IHO1: variants seen among roughly 807,000 people sequenced by gnomAD.
IHO1 encodes the protein interactor of HORMAD1 1.
IHO1 carries 13 observed loss-of-function variants against 31.0 expected under a neutral mutation model. The observed-to-expected ratio is 0.42, with a 90% CI of 0.27 to 0.67. The LOEUF (loss-of-function observed/expected upper bound fraction) is 0.67, where lower values mean the gene tolerates loss of function less well. Ranked by LOEUF, IHO1 falls within the 30% of genes least tolerant of loss-of-function variation. The pLI is 0.24. For missense variants in IHO1, 599 were observed against 687.5 expected (o/e 0.87, Z 1.44); for synonymous variants, 221 against 248.4 (o/e 0.89, Z 1.04).
rs2046840671 is a variant in IHO1 at position 49,257,553 on chromosome 3, C to G, written c.*271C>G. On this transcript the variant is annotated 3_prime_UTR_variant, in exon 8 of 8. Transcript: ENST00000452691. ...AGGCAGCAGCCTGGTTGTGGGGCAT[C>G]TGGAGCAGGGTGCCTGTACTTTGGC... is the stretch of plus-strand genomic sequence containing the variant. 1 of 402,050 alleles carries G rather than the reference C, an allele frequency of 2.5e-6. No individual in the cohort carries two copies. The highest frequency in any genetic ancestry group is 4.6e-6 in the Non-Finnish European group (1 of 219,566). The allele number at this position is 402,050 out of a possible 1,614,324, so 24.9% of individuals were successfully genotyped here. A position where few individuals can be genotyped will look rare whatever the true frequency, so the allele number is the denominator to read the frequency against.
At chr3:49,210,258 A>G (rs2046191754) in intron 1 of IHO1, among the ~76,000 whole-genome samples, 1 of 148,350 alleles carries the variant, frequency 6.7e-6, no homozygotes, top group Non-Finnish European at 1.5e-5. Context: ...ATTTTTTGAG[A>G]TTTTTTTTTT....
chr3:49,236,682 A>G lies in IHO1; in HGVS notation c.191A>G (p.His64Arg), dbSNP rs749137201. ...TLSAPLDFGA[H>R]LRHSKQSQQN... Reference sequence around the variant, plus strand: ...TCAGCACCCTTGGACTTTGGTGCCCACTTGAGACATTCAAAACAGTCACAA... The same window carrying G: ...TCAGCACCCTTGGACTTTGGTGCCCGCTTGAGACATTCAAAACAGTCACAA... The change falls in exon 3 of 8, where the codon CAC (histidine) becomes CGC (arginine). Residue 64 changes from histidine (H) to arginine (R), a missense_variant. Transcript: ENST00000452691. 6.2e-7 allele frequency: 1 copy of G among 1,614,080 alleles called. No individual in the cohort carries two copies. Among genetic ancestry groups the G allele is most frequent in the Non-Finnish European group, 8.5e-7 (1 of 1,180,006 alleles).
chr3:49,234,335 C>T (rs2107715939), intron 2 of IHO1, among the ~76,000 whole-genome samples: 1 of 151,646 alleles, frequency 6.6e-6, no homozygotes, highest in Non-Finnish European at 1.5e-5. Flanking sequence ...CCGCCATGCC[C>T]AGCTAATTTT....
intron 6 of IHO1, among the ~76,000 whole-genome samples, chr3:49,251,466 A>T (rs868201970): frequency 2.7e-5 from 4 of 150,184 alleles, no homozygotes; most frequent in Admixed American, 1.3e-4. Flanking sequence ...TTGTATTTTT[A>T]GTAGAGACGG....
In IHO1 at chr3:49,241,362, A is replaced by G; in HGVS notation, c.368A>G (p.Lys123Arg). 6.2e-7 allele frequency: 1 copy of G among 1,611,144 alleles called. No individual in the cohort carries two copies. Among genetic ancestry groups the G allele is most frequent in the South Asian group, 1.1e-5 (1 of 90,346 alleles). ...KGLLEQFEEK[K>R]KRAKDKCDSE... ...CTCTTGGAACAGTTTGAGGAGAAAA[A>G]GAAAAGGGCAAAAGACAAATGTGAC... Residue 123 changes from lysine (K) to arginine (R), a missense_variant, in exon 4 of 8, where the codon AAG becomes AGG. Lys to Arg is a conservative substitution (Grantham distance 26). Coordinates refer to ENST00000452691, the MANE Select transcript of IHO1 (RefSeq NM_001135197.2).
chr3:49,243,986 G>A (rs901433575), intron 4 of IHO1, among the ~76,000 whole-genome samples: 24 of 146,120 alleles, frequency 1.6e-4, no homozygotes, highest in Non-Finnish European at 3.0e-4. Flanking sequence ...GTGGAGTCTC[G>A]CTCTGTCTCC....
At chr3:49,207,802 C>T (rs1457051936) in intron 1 of IHO1, among the ~76,000 whole-genome samples, 1 of 145,768 alleles carries the variant, frequency 6.9e-6, no homozygotes, top group Admixed American at 7.0e-5. Flanking sequence ...GAGATGGAGT[C>T]TCGCTCTGTC....
At chr3:49,203,234 G>A (rs572754370) in intron 1 of IHO1, among the ~76,000 whole-genome samples, 1 of 152,248 alleles carries the variant, frequency 6.6e-6, no homozygotes, top group African/African-American at 2.4e-5. Flanking sequence ...ATATCTGAGG[G>A]AGGAGTGCAC....
At chr3:49,228,435 G>A (rs557797911) in intron 2 of IHO1, 14 of 382,660 alleles carry the variant, frequency 3.7e-5, no homozygotes, top group Admixed American at 2.4e-4. Flanking sequence ...ACAGGTGCCC[G>A]GTATTTAGCC....
intron 2 of IHO1, 127 bp downstream of exon 2, chr3:49,211,963 C>T (rs1559438660): frequency 3.4e-6 from 2 of 580,048 alleles, no homozygotes; most frequent in South Asian, 1.9e-5. Flanking sequence ...GAGATCAGGA[C>T]CATCCTGGCT....
the IHO1 span, among the ~76,000 whole-genome samples, chr3:49,192,172 A>G: frequency 2.6e-5 from 4 of 152,232 alleles, no homozygotes. Flanking sequence ...TGGAGTCAGA[A>G]GAAATGTTAA....
In IHO1 at chr3:49,241,241, T is replaced by C; in HGVS notation, c.247T>C (p.Phe83Leu). ...CATTTAACAGGGTGAACCTAGCATT[T>C]TCACAAAGTACCAGACAAAGCCCCA... Reference protein sequence around the residue: ...QNYLEGEPSIFTKYQTKPQLF... With the variant: ...QNYLEGEPSILTKYQTKPQLF... The change falls in exon 4 of 8, where the codon TTC (phenylalanine) becomes CTC (leucine). Residue 83 changes from phenylalanine (F) to leucine (L), a missense_variant. Phe to Leu is a conservative substitution (Grantham distance 22). Transcript: ENST00000452691. The C allele has an allele frequency of 6.3e-7, 1 of 1,598,412 alleles. No homozygotes were observed. The highest frequency in any genetic ancestry group is 1.8e-5 in the Admixed American group (1 of 55,942).
chr3:49,255,275 C>G (rs1351691345), intron 6 of IHO1, 115 bp from the exon 7 acceptor site: 1 of 658,460 alleles, frequency 1.5e-6, no homozygotes, highest in African/African-American at 1.9e-5. Context: ...CTGGAGGAAC[C>G]ACTCCGGTCT....
intron 7 of IHO1, among the ~76,000 whole-genome samples, chr3:49,255,920 C>T (rs2046816541): frequency 6.6e-6 from 1 of 151,970 alleles, no homozygotes; most frequent in African/African-American, 2.4e-5. Flanking sequence ...GGAAAGGGGC[C>T]AGCATATAGA....
intron 2 of IHO1, among the ~76,000 whole-genome samples, chr3:49,215,055 CTTTT>C (rs879326053): frequency 7.1e-6 from 1 of 141,438 alleles, no homozygotes. Context: ...TGCCTTCTCT[CTTTT>C]TTTTTTTTTG....
intron 4 of IHO1, among the ~76,000 whole-genome samples, chr3:49,242,729 C>T (rs757208912): frequency 5.9e-5 from 9 of 151,958 alleles, no homozygotes; most frequent in Admixed American, 1.3e-4. Context: ...CACTTGAACC[C>T]AGGAGGCGGA....
intron 2 of IHO1, among the ~76,000 whole-genome samples, chr3:49,216,860 T>G (rs1281106207): frequency 6.6e-6 from 1 of 152,138 alleles, no homozygotes; most frequent in Non-Finnish European, 1.5e-5. Context: ...AATAAGACAT[T>G]TATGCAACCA....
rs139524014 is a variant in IHO1, at chr3:49,236,635, T to C, written c.144T>C (p.Cys48=). ...DSQFLFGSQF[C]PENSETLSAP... is the part of the protein sequence containing the mutation. ...AGTTCCTCTTTGGATCTCAGTTCTG[T>C]CCAGAAAATTCAGAAACCCTATCAG... is the stretch of plus-strand genomic sequence containing the variant. Residue 48 remains cysteine (C), a synonymous_variant, in exon 3 of 8, where the codon TGT becomes TGC. Transcript: ENST00000452691. 224 of 1,613,940 alleles carry C rather than the reference T, an allele frequency of 1.4e-4. No homozygotes were observed. Among genetic ancestry groups the C allele is most frequent in the Non-Finnish European group, 1.8e-4 (212 of 1,179,842 alleles).
At chr3:49,220,468 G>C (rs191861041) in intron 2 of IHO1, among the ~76,000 whole-genome samples, 1 of 152,200 alleles carries the variant, frequency 6.6e-6, no homozygotes, top group Non-Finnish European at 1.5e-5. Flanking sequence ...TGTTCCTTCA[G>C]ATGTTAAGAT....
Sources: gnomAD v4.1 joint callset for allele counts (sites outside exome capture counted in the v4.1 genomes callset) on GRCh38, gnomAD v4.1.1 for gene constraint, MANE v1.5 for transcripts, NCBI Gene and HGNC (gene_info 2026-07-23, HGNC 2026-07-21) for gene names.